The following GRID2 variants were observed in gnomAD, a reference collection of about 807,000 sequenced individuals.
The protein encoded by GRID2 is glutamate receptor ionotropic, delta-2.
GRID2 carries 33 observed loss-of-function variants against 114.8 expected under a neutral mutation model. The observed-to-expected ratio is 0.29, with a 90% CI of 0.22 to 0.38. The LOEUF (loss-of-function observed/expected upper bound fraction) is 0.38. Among genes scored for constraint, GRID2 ranks in the 10% least tolerant of loss-of-function variants. The pLI is 1.00. For synonymous variants in GRID2, 505 were observed against 449.9 expected (o/e 1.12, Z -1.55); for missense variants, 1,184 against 1,257.7 (o/e 0.94, Z 0.89).
At chr4:93,111,660 T>C (rs1251857306) in intron 4 of GRID2, among the ~76,000 whole-genome samples, 1 of 152,128 alleles carries the variant, frequency 6.6e-6, no homozygotes, top group African/African-American at 2.4e-5. Flanking sequence ...TAATGTTACA[T>C]AGTGATAGAA....
chr4:93,792,973 G>A (rs984876513), intron 1 of GRID2, among the ~76,000 whole-genome samples: 2 of 152,170 alleles, frequency 1.3e-5, no homozygotes, highest in Non-Finnish European at 2.9e-5. Flanking sequence ...TAGTTAAACT[G>A]TGAAACAATG....
At chr4:92,659,503 G>C (rs563790454) in intron 2 of GRID2, among the ~76,000 whole-genome samples, 1 of 151,528 alleles carries the variant, frequency 6.6e-6, no homozygotes, top group South Asian at 2.1e-4. Context: ...TTTTATTTAA[G>C]TGCACTCACT....
intron 2 of GRID2, among the ~76,000 whole-genome samples, chr4:92,826,739 TG>T (rs1190046777): frequency 1.3e-5 from 2 of 152,168 alleles, no homozygotes; most frequent in African/African-American, 4.8e-5. Flanking sequence ...TTAGTACTTT[TG>T]TACAAAACCT....
chr4:92,334,733 AAC>A (rs1727076975), intron 1 of GRID2, among the ~76,000 whole-genome samples: 1 of 152,198 alleles, frequency 6.6e-6, no homozygotes, highest in Admixed American at 6.5e-5. Context: ...CTAAGATTCC[AAC>A]ACATAAATTT....
At chr4:92,354,992 C>A (rs1236630140) in intron 1 of GRID2, among the ~76,000 whole-genome samples, 1 of 151,932 alleles carries the variant, frequency 6.6e-6, no homozygotes, top group Admixed American at 6.6e-5. Flanking sequence ...GTTTTAAGAT[C>A]TTTACATGCT....
At chr4:92,712,427 A>G (rs934256803) in intron 2 of GRID2, among the ~76,000 whole-genome samples, 1 of 150,264 alleles carries the variant, frequency 6.7e-6, no homozygotes, top group African/African-American at 2.5e-5. Context: ...CTTGTATCAC[A>G]TTAGCACTTT....
At chr4:93,551,909 T>C (rs904486063) in intron 13 of GRID2, among the ~76,000 whole-genome samples, 1 of 152,194 alleles carries the variant, frequency 6.6e-6, no homozygotes, top group Non-Finnish European at 1.5e-5. Context: ...CTTTAAGTTT[T>C]AGGGTACATA....
intron 2 of GRID2, among the ~76,000 whole-genome samples, chr4:92,906,134 G>C (rs1323488650): frequency 6.6e-6 from 1 of 152,138 alleles, no homozygotes; most frequent in African/African-American, 2.4e-5. Context: ...AATAAACATA[G>C]TGCCTCTTTT....
chr4:93,340,464 G>A (rs1164386197), intron 8 of GRID2, among the ~76,000 whole-genome samples: 4 of 152,014 alleles, frequency 2.6e-5, no homozygotes, highest in Admixed American at 6.6e-5. Flanking sequence ...CCTTTAGGGA[G>A]CCATATATAC....
intron 3 of GRID2, among the ~76,000 whole-genome samples, chr4:93,095,202 T>G (rs995883724): frequency 6.6e-6 from 1 of 151,952 alleles, no homozygotes; most frequent in African/African-American, 2.4e-5. Context: ...GGTATACATG[T>G]ATCATGGTGG....
At chr4:92,881,873 G>T (rs1746045882) in intron 2 of GRID2, among the ~76,000 whole-genome samples, 1 of 152,020 alleles carries the variant, frequency 6.6e-6, no homozygotes. Context: ...TTTTTAAAAA[G>T]TATTATACTT....
At chr4:93,093,508 A>G (rs1730952589) in intron 3 of GRID2, among the ~76,000 whole-genome samples, 1 of 152,068 alleles carries the variant, frequency 6.6e-6, no homozygotes, top group African/African-American at 2.4e-5. Context: ...CTCCTTGAAT[A>G]TTTGTGAAGT....
chr4:92,725,640 C>T (rs568609714), intron 2 of GRID2, among the ~76,000 whole-genome samples: 4 of 152,106 alleles, frequency 2.6e-5, no homozygotes, highest in South Asian at 2.1e-4. Context: ...GGGAGATGTT[C>T]GTATCGTCTA....
chr4:93,219,878 A>G (rs1479617622), intron 6 of GRID2, among the ~76,000 whole-genome samples: 1 of 152,180 alleles, frequency 6.6e-6, no homozygotes, highest in East Asian at 1.9e-4. Flanking sequence ...AGTAAAATTC[A>G]TTAAAAGAAA....
At chr4:92,841,295 C>A (rs913011119) in intron 2 of GRID2, among the ~76,000 whole-genome samples, 1 of 151,804 alleles carries the variant, frequency 6.6e-6, no homozygotes, top group African/African-American at 2.4e-5. Flanking sequence ...TTAAATTTAC[C>A]AAATATATAT....
chr4:92,595,608 A>G (rs1251105773), intron 2 of GRID2, among the ~76,000 whole-genome samples: 1 of 152,080 alleles, frequency 6.6e-6, no homozygotes, highest in Non-Finnish European at 1.5e-5. Flanking sequence ...GATCTGCCTC[A>G]TATATCTTCT....
At chr4:92,719,194 G>A (rs1285590570) in intron 2 of GRID2, among the ~76,000 whole-genome samples, 1 of 151,896 alleles carries the variant, frequency 6.6e-6, no homozygotes, top group Non-Finnish European at 1.5e-5. Context: ...ATCATGTTGG[G>A]TAAGTTGGTC....
At chr4:92,310,759 A>T (rs1725661096) in intron 1 of GRID2, among the ~76,000 whole-genome samples, 1 of 152,050 alleles carries the variant, frequency 6.6e-6, no homozygotes, top group Non-Finnish European at 1.5e-5. Context: ...TTTAATCTCT[A>T]AGATTATATG....
At chr4:93,746,768 T>C (rs11934017) in intron 14 of GRID2, among the ~76,000 whole-genome samples, 2 of 152,010 alleles carry the variant, frequency 1.3e-5, no homozygotes, top group African/African-American at 4.8e-5. Context: ...TGTTACATAG[T>C]CAGGCTATTT....
Sources: gnomAD v4.1 joint callset for allele counts (sites outside exome capture counted in the v4.1 genomes callset) on GRCh38, gnomAD v4.1.1 for gene constraint, MANE v1.5 for transcripts, NCBI Gene and HGNC (gene_info 2026-07-23, HGNC 2026-07-21) for gene names.